Variants in CTBP1 observed in about 807,000 individuals in gnomAD.
CTBP1 encodes the protein C-terminal binding protein 1, also known as C-terminal-binding protein 1.
Under a neutral mutation model 42.1 loss-of-function variants are expected in CTBP1, and 11 were observed. That is an observed-to-expected ratio of 0.26 (90% CI 0.16 to 0.43). The LOEUF is 0.43. CTBP1 is among the 20% of genes least tolerant of loss of function. The pLI, the probability that CTBP1 is intolerant of heterozygous loss-of-function variation, is 1.00. For missense variants in CTBP1, 399 were observed against 624.3 expected, an observed-to-expected ratio of 0.64 and a Z score of 3.85; for synonymous variants, 324 against 277.1, an observed-to-expected ratio of 1.17 and a Z score of -1.68.
chr4:1,216,364 CGAG>C, intron 5 of CTBP1, 159 bp from the exon 6 acceptor site: 1 of 709,364 alleles, frequency 1.4e-6, no homozygotes, highest in Non-Finnish European at 2.3e-6. Context: ...ACGCTCCACA[CGAG>C]CGCTCCACGT....
At chr4:1,225,202 C>G (rs1053865181) in intron 5 of CTBP1, 158 bp downstream of exon 5, 3 of 840,344 alleles carry the variant, frequency 3.6e-6, no homozygotes, top group Middle Eastern at 3.6e-4. Flanking sequence ...CTGGGACTCC[C>G]GGGCCCTGGT....
At position 1,243,411 on chromosome 4, in the gene CTBP1, C is replaced by T. The variant is rs952266351; in HGVS notation, c.-188-1892G>A. ...CCCTGCCAGACCTGAGGGGCTGCAC[C>T]CCATGCCACAGGGACTTCCTGTGGT... On this transcript the variant is annotated intron_variant, in intron 1 of 9. Coordinates refer to ENST00000382952, the MANE Select transcript of CTBP1 (RefSeq NM_001012614.2). 3 of 985,256 alleles carry T rather than the reference C, an allele frequency of 3.0e-6. No homozygotes were observed. The African/African-American group carries it at 5.2e-5, about 17-fold the overall frequency. The allele number at this position is 985,256 out of a possible 1,614,324, so 61.0% of individuals were successfully genotyped here.
At chr4:1,222,146 C>T (rs1027049949) in intron 5 of CTBP1, among the ~76,000 whole-genome samples, 10 of 152,262 alleles carry the variant, frequency 6.6e-5, no homozygotes, top group South Asian at 2.1e-4. Context: ...GCACCGGCCC[C>T]GCCTGGAGCA....
intron 3 of CTBP1, among the ~76,000 whole-genome samples, 167 bp from the exon 4 acceptor site, chr4:1,228,510 G>A (rs1396563962): frequency 6.6e-6 from 1 of 152,172 alleles, no homozygotes. Flanking sequence ...TCCCCGCCAC[G>A]CGCGGCCCCT....
Position 1,212,393 on chromosome 4 carries a change from G to T in CTBP1, c.1137C>A (p.Pro379=). The T allele has an allele frequency of 6.7e-7, 1 of 1,490,602 alleles. No individual in the cohort carries two copies. Among genetic ancestry groups the T allele is most frequent in the East Asian group, 2.7e-5 (1 of 37,176 alleles). 92.3% of individuals were successfully genotyped at this position (1,490,602 alleles called of 1,614,324 possible). The change falls in exon 10 of 10, where the codon CCC becomes CCA. Residue 379 remains proline, a synonymous_variant. Coordinates refer to ENST00000382952, the MANE Select transcript of CTBP1 (RefSeq NM_001012614.2). ...CTTCCACAGCAGCTGGGATGCCAGT[G>T]GGGGCCACGCCCACCACGCCCGGAG... ...RYPPGVVGVA[P]TGIPAAVEGI... is the part of the protein sequence containing the mutation.
At chr4:1,248,363 C>T (rs1356023374) in intron 1 of CTBP1, among the ~76,000 whole-genome samples, 1 of 151,582 alleles carries the variant, frequency 6.6e-6, no homozygotes, top group Non-Finnish European at 1.5e-5. Context: ...CGGTCATACC[C>T]GGCACCCGCG....
chr4:1,216,275 G>T, intron 5 of CTBP1, 70 bp from the exon 6 acceptor site: 1 of 1,448,466 alleles, frequency 6.9e-7, no homozygotes, highest in South Asian at 1.3e-5. Context: ...CGAAAGCCAG[G>T]GTCGGAGTGG....
At chr4:1,245,524 C>T (rs1250095) in intron 1 of CTBP1, 351,439 of 985,114 alleles carry the variant, frequency 0.36, 65,020 homozygotes, top group Middle Eastern at 0.44. Context: ...GCCCAGGAGC[C>T]CCCACACCAC....
At chr4:1,248,595 G>T in intron 1 of CTBP1, 2 of 816,774 alleles carry the variant, frequency 2.4e-6, no homozygotes, top group Non-Finnish European at 3.0e-6. Context: ...GTCCGACGGG[G>T]CTGGGGTCGG....
intron 5 of CTBP1, chr4:1,218,508 C>T (rs935093625): frequency 2.0e-5 from 3 of 152,012 alleles, no homozygotes; most frequent in Non-Finnish European, 2.9e-5. Context: ...AGGAACGTGA[C>T]GCCCGAGGAC....
chr4:1,238,773 C>T lies in CTBP1; in HGVS notation c.8-436G>A, dbSNP rs1049916716. On this transcript the variant is annotated intron_variant, in intron 2 of 9. Coordinates refer to ENST00000382952, the MANE Select transcript of CTBP1 (RefSeq NM_001012614.2). The surrounding 1 kb of genome is among the most constrained non-coding windows in gnomAD (Gnocchi z 5.9). ...TTTCCAGACCCACCGAGACACCTCC[C>T]GACCCTCCTAGGCCCTCCAAGACCC... Among the ~76,000 whole-genome samples the T allele has an allele frequency of 3.3e-5, 5 of 151,118 alleles. No homozygotes were observed. Among genetic ancestry groups the T allele is most frequent in the Non-Finnish European group, 7.4e-5 (5 of 67,700 alleles).
intron 1 of CTBP1, chr4:1,242,694 C>T (rs1262800255): frequency 4.9e-5 from 48 of 985,332 alleles, no homozygotes; most frequent in Admixed American, 6.1e-5. Context: ...AAGAGCAACA[C>T]TGTGGAGCGG....
chr4:1,240,256 G>C lies in CTBP1; in HGVS notation c.7+1069C>G, dbSNP rs1190131595. On this transcript the variant is annotated intron_variant, in intron 2 of 9. Transcript: ENST00000382952. Reference sequence around the variant, plus strand: ...CGTGTGGGGCACTCCCGGGTGCTGGGTGAGTGGGACCGGGTCCCTCGTCGG... The same window carrying C: ...CGTGTGGGGCACTCCCGGGTGCTGGCTGAGTGGGACCGGGTCCCTCGTCGG... 1.4e-5 allele frequency among the ~76,000 whole-genome samples: 2 copies of C among 138,972 alleles called. 1 individual carries two copies. Among genetic ancestry groups the C allele is most frequent in the South Asian group, 5.1e-4 (2 of 3,898 alleles). 91.2% of individuals were successfully genotyped at this position (138,972 alleles called of 152,430 possible). A position where few individuals can be genotyped will look rare whatever the true frequency, so the allele number is the denominator to read the frequency against.
At chr4:1,224,750 T>C (rs1280164814) in intron 5 of CTBP1, among the ~76,000 whole-genome samples, 1 of 151,362 alleles carries the variant, frequency 6.6e-6, no homozygotes, top group African/African-American at 2.4e-5. Context: ...ATCTGTGTTA[T>C]CTGTGTGTGC....
At chr4:1,212,481 C>T (rs1313573375) in intron 9 of CTBP1, 58 bp from the exon 10 acceptor site, 9 of 1,359,290 alleles carry the variant, frequency 6.6e-6, no homozygotes, top group Non-Finnish European at 8.6e-6. Flanking sequence ...CCAGGCCCCA[C>T]CTGCCCTCCT....
At chr4:1,213,863 T>TG (rs1728814128) in intron 7 of CTBP1, 6 of 490,396 alleles carry the variant, frequency 1.2e-5, no homozygotes, top group East Asian at 3.6e-5. Context: ...GGAGCCCTGA[T>TG]GGGGGGACAT....
chr4:1,245,899 C>T (rs1323041177), intron 1 of CTBP1, among the ~76,000 whole-genome samples: 1 of 152,180 alleles, frequency 6.6e-6, no homozygotes, highest in Non-Finnish European at 1.5e-5. Flanking sequence ...ACCAACTGGG[C>T]TTCCCTCAGG....
intron 1 of CTBP1, chr4:1,245,539 G>A (rs958524636): frequency 6.1e-6 from 6 of 983,696 alleles, no homozygotes; most frequent in African/African-American, 1.7e-5. Context: ...CACCACAGAC[G>A]GGCGGCAGGT....
chr4:1,243,271 G>A (rs1414010021), intron 1 of CTBP1: 1 of 985,334 alleles, frequency 1.0e-6, no homozygotes, highest in Non-Finnish European at 1.2e-6. Flanking sequence ...GGAAGAAGCA[G>A]ATGTGTGAAG....
Sources: gnomAD v4.1 joint callset for allele counts (sites outside exome capture counted in the v4.1 genomes callset) on GRCh38, gnomAD v4.1.1 for gene constraint, Gnocchi (gnomAD v3.1) non-coding constraint, MANE v1.5 for transcripts, NCBI Gene and HGNC (gene_info 2026-07-23, HGNC 2026-07-21) for gene names.